UGT8: variants seen among roughly 807,000 people sequenced by gnomAD.
UGT8 encodes 2-hydroxyacylsphingosine 1-beta-galactosyltransferase.
In UGT8, 12 loss-of-function variants were observed where a neutral mutation model predicts 40.5. The ratio of observed to expected loss-of-function variants is 0.30; its 90% confidence interval spans 0.19 to 0.48. The LOEUF is 0.48. Among genes scored for constraint, UGT8 ranks in the 20% least tolerant of loss-of-function variants. The pLI is 0.99. For missense variants in UGT8, 513 were observed against 648.7 expected (o/e 0.79, Z 2.27); for synonymous variants, 224 against 240.4 (o/e 0.93, Z 0.63).
At chr4:114,662,816 CTTTTTTTTTTT>C (rs142469406) in intron 2 of UGT8, among the ~76,000 whole-genome samples, 1 of 53,172 alleles carries the variant, frequency 1.9e-5, no homozygotes, top group Non-Finnish European at 3.2e-5. Flanking sequence ...TGTGACCATG[CTTTTTTTTTTT>C]TTTTTTTTTT....
upstream of UGT8, chr4:114,598,727 C>A (rs1334373570): frequency 6.6e-6 from 1 of 151,806 alleles, no homozygotes; most frequent in Non-Finnish European, 1.5e-5. Context: ...CCTGGCCGCC[C>A]GCTGGGAGCT....
intron 2 of UGT8, among the ~76,000 whole-genome samples, chr4:114,631,656 T>C (rs781624134): frequency 1.4e-4 from 22 of 152,242 alleles, no homozygotes; most frequent in Non-Finnish European, 3.1e-4. Context: ...ATTTGTACCA[T>C]GTTACCTGGT....
intron 1 of UGT8, among the ~76,000 whole-genome samples, chr4:114,621,003 T>C (rs140896560): frequency 4.8e-4 from 73 of 152,302 alleles, no homozygotes; most frequent in African/African-American, 1.7e-3. Flanking sequence ...GTTTAGATCT[T>C]TTTTCTATTT....
At chr4:114,630,566 A>ATG (rs1458653283) in intron 2 of UGT8, among the ~76,000 whole-genome samples, 1 of 151,870 alleles carries the variant, frequency 6.6e-6, no homozygotes, top group African/African-American at 2.4e-5. Context: ...TGTAGGAGGG[A>ATG]TGTGGAGCAT....
At chr4:114,604,378 G>A (rs1730611852) in intron 1 of UGT8, among the ~76,000 whole-genome samples, 1 of 151,766 alleles carries the variant, frequency 6.6e-6, no homozygotes, top group East Asian at 1.9e-4. Flanking sequence ...ATACCTCATA[G>A]GGTCTTAAAA....
chr4:114,627,110 G>A (rs1732274559), intron 2 of UGT8, among the ~76,000 whole-genome samples: 2 of 152,278 alleles, frequency 1.3e-5, no homozygotes, highest in South Asian at 4.1e-4. Context: ...GGACTAAGGG[G>A]AAGAATTCTG....
Position 114,623,037 on chromosome 4 carries a change from G to A in UGT8, c.157G>A (p.Val53Met). ...SALHERGHHT[V>M]FLLSEGRDIA... Reference sequence around the variant, plus strand: ...CTTGCACGAGAGAGGCCACCATACAGTGTTCCTCCTCTCTGAAGGCAGAGA... The same window carrying A: ...CTTGCACGAGAGAGGCCACCATACAATGTTCCTCCTCTCTGAAGGCAGAGA... Residue 53 changes from valine (V) to methionine (M), a missense_variant, in exon 2 of 6, where the codon GTG becomes ATG. Coordinates refer to ENST00000310836, the MANE Select transcript of UGT8 (RefSeq NM_001128174.3). 1 of 1,614,114 alleles carries A rather than the reference G, an allele frequency of 6.2e-7. No individual in the cohort carries two copies. Among genetic ancestry groups the A allele is most frequent in the Non-Finnish European group, 8.5e-7 (1 of 1,180,012 alleles).
At chr4:114,612,166 G>A (rs565995046) in intron 1 of UGT8, among the ~76,000 whole-genome samples, 1 of 151,948 alleles carries the variant, frequency 6.6e-6, no homozygotes, top group South Asian at 2.1e-4. Context: ...TGGTTATTGA[G>A]GCATCAACAA....
intron 2 of UGT8, among the ~76,000 whole-genome samples, chr4:114,628,382 C>G (rs186154987): frequency 1.3e-5 from 2 of 152,012 alleles, no homozygotes; most frequent in Non-Finnish European, 2.9e-5. Context: ...TCAAGTGATT[C>G]AGCCACCTTG....
chr4:114,655,966 T>C (rs923451901), intron 2 of UGT8, among the ~76,000 whole-genome samples: 1 of 152,132 alleles, frequency 6.6e-6, no homozygotes, highest in East Asian at 1.9e-4. Context: ...GTATAGAATG[T>C]CCCTCAATTT....
intron 1 of UGT8, among the ~76,000 whole-genome samples, chr4:114,616,547 C>T (rs186866045): frequency 7.9e-5 from 12 of 152,232 alleles, no homozygotes; most frequent in Admixed American, 3.9e-4. Context: ...CCTGTGCTTC[C>T]CAGGTGAGGC....
chr4:114,623,871 T>C (rs550227384), intron 2 of UGT8, 169 bp downstream of exon 2: 12 of 493,388 alleles, frequency 2.4e-5, no homozygotes, highest in Non-Finnish European at 3.2e-5. Context: ...ACCACTTCCC[T>C]GGGAAACATT....
intron 1 of UGT8, among the ~76,000 whole-genome samples, chr4:114,619,858 A>G (rs1160967186): frequency 1.3e-5 from 2 of 151,760 alleles, no homozygotes; most frequent in Non-Finnish European, 2.9e-5. Context: ...ATTTGTCATT[A>G]TATTTGTTTA....
intron 2 of UGT8, among the ~76,000 whole-genome samples, chr4:114,639,082 C>T (rs998409363): frequency 4.6e-5 from 7 of 152,280 alleles, no homozygotes; most frequent in East Asian, 1.9e-4. Flanking sequence ...AATAAAATGC[C>T]GTAAACCTTA....
In UGT8 at chr4:114,618,105, T is replaced by G. The variant is rs181174091; in HGVS notation, c.-2-4774T>G. 1.4e-3 allele frequency among the ~76,000 whole-genome samples: 215 copies of G among 152,256 alleles called. 1 individual carries two copies. Among genetic ancestry groups the G allele is most frequent in the Non-Finnish European group, 2.6e-3 (179 of 68,010 alleles). On this transcript the variant is annotated intron_variant, in intron 1 of 5. Transcript: ENST00000310836. Reference sequence around the variant, plus strand: ...TTCTTAGTGTTATGTTACAAGTATTTTCTGATATTAAAATTATTTTCAAAC... The same window carrying G: ...TTCTTAGTGTTATGTTACAAGTATTGTCTGATATTAAAATTATTTTCAAAC...
Position 114,676,467 on chromosome 4 carries a change from C to A in UGT8, c.*179C>A, listed in dbSNP as rs1735653251. ...CTGTAAAAAGCACAAACCTAAAATG[C>A]AGAAATGTATTTTATTCAAATACTG... On this transcript the variant is annotated 3_prime_UTR_variant, in exon 6 of 6. Transcript: ENST00000310836. 2 of 556,040 alleles carry A rather than the reference C, an allele frequency of 3.6e-6. No individual in the cohort carries two copies. The highest frequency in any genetic ancestry group is 6.1e-6 in the Non-Finnish European group (2 of 327,386). The allele number at this position is 556,040 out of a possible 1,614,324, so 34.4% of individuals were successfully genotyped here.
At chr4:114,647,356 T>TGTGTGTGTG (rs1553934670) in intron 2 of UGT8, among the ~76,000 whole-genome samples, 3 of 143,290 alleles carry the variant, frequency 2.1e-5, no homozygotes, top group African/African-American at 5.2e-5. Context: ...ATTAGCTCTT[T>TGTGTGTGTG]TGTGTGTGTG....
intron 2 of UGT8, among the ~76,000 whole-genome samples, chr4:114,627,463 T>C (rs1339820142): frequency 6.6e-6 from 1 of 152,038 alleles, no homozygotes; most frequent in Non-Finnish European, 1.5e-5. Flanking sequence ...TTTCACCGTG[T>C]TAGCCAGGAT....
chr4:114,676,337 T>G lies in UGT8; in HGVS notation c.*49T>G, dbSNP rs779828142. Reference sequence around the variant, plus strand: ...TAAATTGGTTCACTCATTGAATTTTTATTGCTATTATTTAGTCTAACAGCT... The same window carrying G: ...TAAATTGGTTCACTCATTGAATTTTGATTGCTATTATTTAGTCTAACAGCT... On this transcript the variant is annotated 3_prime_UTR_variant, in exon 6 of 6. Transcript: ENST00000310836. 6.9e-7 allele frequency: 1 copy of G among 1,455,382 alleles called. No homozygotes were observed. Among genetic ancestry groups the G allele is most frequent in the Admixed American group, 2.2e-5 (1 of 45,300 alleles). The allele number at this position is 1,455,382 out of a possible 1,614,324, so 90.2% of individuals were successfully genotyped here. A position where few individuals can be genotyped will look rare whatever the true frequency, so the allele number is the denominator to read the frequency against.
Sources: allele counts gnomAD v4.1 joint callset (sites outside exome capture counted in the v4.1 genomes callset), GRCh38; gene constraint gnomAD v4.1.1; transcripts MANE v1.5; gene names NCBI Gene and HGNC (gene_info 2026-07-23, HGNC 2026-07-21).